MYL4: variants seen among roughly 807,000 people sequenced by gnomAD.
MYL4 encodes the protein atrial myosin light chain 1.
MYL4 carries 16 observed loss-of-function variants against 21.6 expected under a neutral mutation model. The observed-to-expected ratio is 0.74, with a 90% confidence interval of 0.50 to 1.12. MYL4 has a LOEUF of 1.12. MYL4 is among the 50% of genes most tolerant of loss of function. The pLI is 0.00. For missense variants in MYL4, 249 were observed against 252.9 expected (o/e 0.98, Z 0.11); for synonymous variants, 82 against 95.7 (o/e 0.86, Z 0.83).
the MYL4 span, among the ~76,000 whole-genome samples, chr17:47,190,680 T>C: frequency 6.6e-6 from 1 of 152,260 alleles, no homozygotes; most frequent in Admixed American, 6.5e-5. Context: ...GATTTTTGGC[T>C]GCCCTGTGCC....
chr17:47,189,754 T>C, the MYL4 span, among the ~76,000 whole-genome samples: 1 of 152,200 alleles, frequency 6.6e-6, no homozygotes, highest in Non-Finnish European at 1.5e-5. Context: ...CATTCGTCCA[T>C]TCCAGAAGTA....
chr17:47,219,782 G>A (rs186355717), intron 2 of MYL4, 122 bp from the exon 3 acceptor site: 606 of 1,256,484 alleles, frequency 4.8e-4, no homozygotes, highest in Non-Finnish European at 6.4e-4. Flanking sequence ...TGGACAAAGC[G>A]AAATATTGGG....
chr17:47,193,952 C>T, the MYL4 span, among the ~76,000 whole-genome samples: 7 of 152,272 alleles, frequency 4.6e-5, no homozygotes, highest in Non-Finnish European at 7.4e-5. Flanking sequence ...GATGGGGTTT[C>T]GCCATGTTGG....
At chr17:47,206,597 T>C (rs188193968), upstream of MYL4, among the ~76,000 whole-genome samples, 1 of 152,032 alleles carries the variant, frequency 6.6e-6, no homozygotes, top group Non-Finnish European at 1.5e-5. Context: ...ACTGAAGTGA[T>C]GGTGGTGGAA....
intron 2 of MYL4, among the ~76,000 whole-genome samples, chr17:47,215,552 T>A (rs2064807259): frequency 6.6e-6 from 1 of 152,206 alleles, no homozygotes; most frequent in South Asian, 2.1e-4. Flanking sequence ...AATTTGGAAT[T>A]AGGAGACTTT....
chr17:47,193,587 C>T, the MYL4 span, among the ~76,000 whole-genome samples: 1 of 152,014 alleles, frequency 6.6e-6, no homozygotes, highest in East Asian at 1.9e-4. Flanking sequence ...GTTTTTTAAT[C>T]GGTTTCCTTT....
chr17:47,189,975 G>GT, the MYL4 span, among the ~76,000 whole-genome samples: 1 of 151,738 alleles, frequency 6.6e-6, no homozygotes, highest in Non-Finnish European at 1.5e-5. Context: ...TCTATGGAAG[G>GT]AAAAAAAAGT....
intron 1 of MYL4, among the ~76,000 whole-genome samples, chr17:47,210,969 T>C (rs1045783807): frequency 6.6e-6 from 1 of 152,066 alleles, no homozygotes; most frequent in Non-Finnish European, 1.5e-5. Flanking sequence ...TTTGGGTGGG[T>C]TGCCAGGCCT....
In MYL4 at chr17:47,221,773, C is replaced by T. The variant is rs150593274; in HGVS notation, c.405C>T (p.Phe135=). 404 of 1,614,132 alleles carry T rather than the reference C, an allele frequency of 2.5e-4. 1 individual carries two copies. Among genetic ancestry groups the T allele is most frequent in the Non-Finnish European group, 3.1e-4 (366 of 1,180,010 alleles). The change falls in exon 4 of 7, where the codon TTC becomes TTT. Residue 135 remains phenylalanine, a synonymous_variant. Coordinates refer to ENST00000393450, the MANE Select transcript of MYL4 (RefSeq NM_002476.2). ...AGGAGCAGGGCACCTATGAGGACTT[C>T]GTGGAGGGCCTGCGTGTCTTTGACA... is the stretch of plus-strand genomic sequence containing the variant. ...RNKEQGTYED[F]VEGLRVFDKE...
chr17:47,197,145 C>A (rs1477680956), upstream of MYL4, among the ~76,000 whole-genome samples: 1 of 139,984 alleles, frequency 7.1e-6, no homozygotes, highest in Non-Finnish European at 1.5e-5. Context: ...GTCGCCCAGG[C>A]TGGAGTGCAG....
At chr17:47,209,303 G>A, upstream of MYL4, 3 of 1,359,268 alleles carry the variant, frequency 2.2e-6, no homozygotes, top group South Asian at 1.2e-5. Flanking sequence ...CCTCTGTGGG[G>A]GCTCCTGCCC....
chr17:47,226,648 C>T (rs1183542426), downstream of MYL4, among the ~76,000 whole-genome samples: 1 of 152,212 alleles, frequency 6.6e-6, no homozygotes, highest in Non-Finnish European at 1.5e-5. Flanking sequence ...GCTTAAGAGA[C>T]ATGGAAGTGC....
At chr17:47,200,008 T>C (rs1806740419), upstream of MYL4, among the ~76,000 whole-genome samples, 1 of 151,332 alleles carries the variant, frequency 6.6e-6, no homozygotes, top group Non-Finnish European at 1.5e-5. Context: ...CCCAAAGTGC[T>C]GGAATTATAG....
intron 6 of MYL4, 38 bp downstream of exon 6, chr17:47,223,095 C>A: frequency 6.2e-7 from 1 of 1,605,022 alleles, no homozygotes; most frequent in Non-Finnish European, 8.5e-7. Flanking sequence ...CTTCCGGGGT[C>A]ACATAGGGCC....
At chr17:47,207,173 G>T (rs1043084063), upstream of MYL4, among the ~76,000 whole-genome samples, 2 of 152,158 alleles carry the variant, frequency 1.3e-5, no homozygotes, top group South Asian at 4.1e-4. Flanking sequence ...CTGGGCCCTG[G>T]TCTCGTTCTA....
chr17:47,204,916 G>T (rs1394960120), upstream of MYL4, among the ~76,000 whole-genome samples: 1 of 152,172 alleles, frequency 6.6e-6, no homozygotes, highest in African/African-American at 2.4e-5. Flanking sequence ...TGAGACATTG[G>T]TCAGAGAAGA....
At position 47,213,796 on chromosome 17, in the gene MYL4, C is replaced by G; in HGVS notation, c.136-3C>G. 6.2e-7 allele frequency: 1 copy of G among 1,614,144 alleles called. No homozygotes were observed. ...GCCCTCACTACTATTTCCCTCCCTA[C>G]AGATAGACTTCACTGCCGACCAGAT... On this transcript the variant is annotated splice_polypyrimidine_tract_variant and splice_region_variant and intron_variant, in intron 1 of 6. Coordinates refer to ENST00000393450, the MANE Select transcript of MYL4 (RefSeq NM_002476.2).
intron 5 of MYL4, 26 bp from the exon 6 acceptor site, chr17:47,222,988 G>A (rs753743071): frequency 1.2e-6 from 2 of 1,614,054 alleles, no homozygotes; most frequent in South Asian, 1.1e-5. Flanking sequence ...GAGCCACATG[G>A]TGGCTGATTT....
the MYL4 span, among the ~76,000 whole-genome samples, chr17:47,192,601 G>T: frequency 6.6e-6 from 1 of 151,782 alleles, no homozygotes; most frequent in African/African-American, 2.4e-5. Flanking sequence ...GGTGAGCTGA[G>T]ATCGGGCCAC....
Sources: allele counts gnomAD v4.1 joint callset (sites outside exome capture counted in the v4.1 genomes callset), GRCh38; gene constraint gnomAD v4.1.1; transcripts MANE v1.5; gene names NCBI Gene and HGNC (gene_info 2026-07-23, HGNC 2026-07-21).